ADGRF3: variants seen among roughly 807,000 people sequenced by gnomAD.
ADGRF3 encodes G protein-coupled receptor 113.
Under a neutral mutation model 93.2 loss-of-function variants are expected in ADGRF3, and 85 were observed. The ratio of observed to expected loss-of-function variants is 0.91; its 90% CI spans 0.77 to 1.09. ADGRF3 has a LOEUF of 1.09. Among genes scored for constraint, ADGRF3 ranks in the 50% least tolerant of loss-of-function variants. The pLI is 0.00. For missense variants in ADGRF3, 1,125 were observed against 1,246.2 expected, an observed-to-expected ratio of 0.90 and a Z score of 1.46; for synonymous variants, 534 against 532.5, an observed-to-expected ratio of 1.00 and a Z score of -0.04.
At chr2:26,344,616 C>T (rs546406357) in intron 1 of ADGRF3, among the ~76,000 whole-genome samples, 2 of 152,188 alleles carry the variant, frequency 1.3e-5, no homozygotes, top group Admixed American at 1.3e-4. Context: ...CCCTCGAGGG[C>T]AAGTGTGATA....
Position 26,342,096 on chromosome 2 carries a change from AT to A in ADGRF3, c.114+4024del, listed in dbSNP as rs1366525260. ...TCAAAAAAAAAACAACTGACTTGTG[AT>A]TTTTTTTTTTTAATATCTTACCATC... On this transcript the variant is annotated intron_variant, in intron 1 of 13. Transcript: ENST00000651242. 6.7e-3 allele frequency among the ~76,000 whole-genome samples: 979 copies of A among 145,502 alleles called. 11 individuals are homozygous for A. The highest frequency in any genetic ancestry group is 0.022 in the African/African-American group (873 of 40,062).
chr2:26,331,661 T>C (rs1024127884), intron 1 of ADGRF3, among the ~76,000 whole-genome samples: 2 of 152,176 alleles, frequency 1.3e-5, no homozygotes, highest in African/African-American at 4.8e-5. Flanking sequence ...GCCCAAGAGT[T>C]TGAGGCTGCG....
chr2:26,328,587 G>A lies in ADGRF3; in HGVS notation c.115-11025C>T, dbSNP rs1419593030. Among the ~76,000 whole-genome samples, 9 of 151,486 alleles carry A rather than the reference G, an allele frequency of 5.9e-5. No individual in the cohort carries two copies. In the East Asian group the frequency reaches 1.7e-3, roughly 29 times the overall value. ...TCCTGCCTCAGCCTCCTGAGTAGCT[G>A]GGACCACAGGTGCATGCCCACACCC... On this transcript the variant is annotated intron_variant, in intron 1 of 13. Transcript: ENST00000651242.
At chr2:26,314,857 A>G in intron 5 of ADGRF3, 1 of 559,244 alleles carries the variant, frequency 1.8e-6, no homozygotes, top group Non-Finnish European at 3.2e-6. Context: ...CGTGAATTTC[A>G]TGCTCTCCCT....
intron 5 of ADGRF3, 78 bp downstream of exon 5, chr2:26,315,444 G>A (rs1674562546): frequency 1.4e-6 from 2 of 1,440,524 alleles, no homozygotes; most frequent in Non-Finnish European, 9.4e-7. Flanking sequence ...AGAGGTGAAG[G>A]AAAGCAGAGA....
In ADGRF3 at chr2:26,313,366, G is replaced by T. The variant is rs776778526; in HGVS notation, c.1269+11C>A. The T allele has an allele frequency of 6.4e-7, 1 of 1,568,520 alleles. No homozygotes were observed. The highest frequency in any genetic ancestry group is 8.6e-7 in the Non-Finnish European group (1 of 1,157,472). Reference sequence around the variant, plus strand: ...GGAGGGGGCACGTGGGCAGCAGGGTGGAAGCTTCACCTTGGTTCTAGTGAA... The same window carrying T: ...GGAGGGGGCACGTGGGCAGCAGGGTTGAAGCTTCACCTTGGTTCTAGTGAA... On this transcript the variant is annotated intron_variant, in intron 8 of 13. Transcript: ENST00000651242.
rs990715193 is a variant in ADGRF3, at chr2:26,346,205, C to G, written c.30G>C (p.Ser10=). The change falls in exon 1 of 14, where the codon TCG becomes TCC. Residue 10 remains serine (S), a synonymous_variant. Transcript: ENST00000651242. MTTRKLSAH[S]AATPGYKAVT... is the part of the protein sequence containing the mutation. The stretch of plus-strand genomic sequence containing the variant: ...CAGCCTTGTAGCCGGGAGTCGCTGC[C>G]GAGTGGGCGCTCAGTTTTCGGGTCG... The G allele has an allele frequency of 6.2e-7, 1 of 1,613,404 alleles. No homozygotes were observed. The highest frequency in any genetic ancestry group is 1.7e-5 in the Admixed American group (1 of 59,978).
chr2:26,342,163 A>G (rs770399580), intron 1 of ADGRF3, among the ~76,000 whole-genome samples: 4 of 151,860 alleles, frequency 2.6e-5, no homozygotes, highest in Non-Finnish European at 5.9e-5. Context: ...TATTCAACTA[A>G]AAGTCTGATG....
At chr2:26,314,859 G>A in intron 5 of ADGRF3, 1 of 558,982 alleles carries the variant, frequency 1.8e-6, no homozygotes. Flanking sequence ...TGAATTTCAT[G>A]CTCTCCCTAG....
chr2:26,308,967 T>C lies in ADGRF3; in HGVS notation c.*119A>G. On this transcript the variant is annotated 3_prime_UTR_variant, in exon 14 of 14. Coordinates refer to ENST00000651242, the MANE Select transcript of ADGRF3 (RefSeq NM_001321971.2). ...TCACTAAGGGAAATATAAGCCTGCC[T>C]TTCTCAAGGGCTGAGCTCCGGGAGG... 7.3e-7 allele frequency: 1 copy of C among 1,378,374 alleles called. No individual in the cohort carries two copies. The highest frequency in any genetic ancestry group is 1.0e-6 in the Non-Finnish European group (1 of 972,694). 85.4% of individuals were successfully genotyped at this position (1,378,374 alleles called of 1,614,324 possible). A position where few individuals can be genotyped will look rare whatever the true frequency, so the allele number is the denominator to read the frequency against.
rs1238408575 is a variant in ADGRF3, at chr2:26,311,596, C to T, written c.1928G>A (p.Gly643Asp). 5 of 1,613,864 alleles carry T rather than the reference C, an allele frequency of 3.1e-6. No individual in the cohort carries two copies. The South Asian group carries it at 4.4e-5, about 14-fold the overall frequency. Residue 643 changes from glycine to aspartate, a missense_variant, in exon 10 of 14, where the codon GGT becomes GAT. By Grantham distance (94) the Gly-to-Asp change is moderately conservative. Coordinates refer to ENST00000651242, the MANE Select transcript of ADGRF3 (RefSeq NM_001321971.2). ...ATCCCAGAAGACACAGTGAGGGGAA[C>T]CATCTGTGTTCCCAAAGTCCATGAT... Reference protein sequence around the residue: ...EVIMDFGNTDGSPHCVFWDHS... With the variant: ...EVIMDFGNTDDSPHCVFWDHS...
intron 1 of ADGRF3, among the ~76,000 whole-genome samples, chr2:26,324,782 A>T (rs1275835252): frequency 6.6e-6 from 1 of 152,232 alleles, no homozygotes; most frequent in Admixed American, 6.5e-5. Flanking sequence ...TGCAATGAAC[A>T]TCCACATGCA....
chr2:26,327,888 G>A (rs757322121), intron 1 of ADGRF3, among the ~76,000 whole-genome samples: 10 of 151,716 alleles, frequency 6.6e-5, no homozygotes, highest in African/African-American at 2.4e-4. Flanking sequence ...AACACAAAAC[G>A]GACTCAGAGT....
At position 26,315,644 on chromosome 2, in the gene ADGRF3, C is replaced by A; in HGVS notation, c.596G>T (p.Trp199Leu). 1 of 1,551,608 alleles carries A rather than the reference C, an allele frequency of 6.4e-7. No homozygotes were observed. Residue 199 changes from tryptophan (W) to leucine (L), a missense_variant, in exon 5 of 14, where the codon TGG becomes TTG. By Grantham distance (61) the Trp-to-Leu change is moderately conservative. Coordinates refer to ENST00000651242, the MANE Select transcript of ADGRF3 (RefSeq NM_001321971.2). ...GGGGCTCCCTGGGTGCCTCAGGAAC[C>A]AGCTCAGGTTGGTGGCCTCCTGGCT... ...HLSQEATNLS[W>L]FLRHPGSPSP... is the part of the protein sequence containing the mutation.
chr2:26,329,033 C>CTGTGT (rs2147908622), intron 1 of ADGRF3, among the ~76,000 whole-genome samples: 2 of 152,306 alleles, frequency 1.3e-5, no homozygotes, highest in Non-Finnish European at 2.9e-5. Flanking sequence ...GATATTATCA[C>CTGTGT]GGATAATCTG....
intron 3 of ADGRF3, 48 bp from the exon 4 acceptor site, chr2:26,316,496 T>C: frequency 6.5e-7 from 1 of 1,531,070 alleles, no homozygotes; most frequent in Non-Finnish European, 8.8e-7. Context: ...CTGAAGAAGC[T>C]AGGTGGGCAG....
chr2:26,317,890 G>A, intron 1 of ADGRF3: 1 of 792,000 alleles, frequency 1.3e-6, no homozygotes, highest in Non-Finnish European at 2.2e-6. Flanking sequence ...AGCGGAGCTG[G>A]ACATTGCTGG....
intron 5 of ADGRF3, chr2:26,314,848 G>A (rs1316828475): frequency 7.1e-6 from 4 of 564,978 alleles, no homozygotes; most frequent in Non-Finnish European, 9.5e-6. Context: ...GCCCATGCCC[G>A]TGAATTTCAT....
chr2:26,311,654 C>T lies in ADGRF3; in HGVS notation c.1870G>A (p.Ala624Thr), dbSNP rs1175536790. 11 of 1,613,266 alleles carry T rather than the reference C, an allele frequency of 6.8e-6. No homozygotes were observed. Among genetic ancestry groups the T allele is most frequent in the Non-Finnish European group, 9.3e-6 (11 of 1,179,890 alleles). Residue 624 changes from alanine (A) to threonine (T), a missense_variant, in exon 10 of 14, where the codon GCA (alanine) becomes ACA (threonine). Physicochemically the swap from Ala to Thr is moderately conservative, Grantham distance 58. Coordinates refer to ENST00000651242, the MANE Select transcript of ADGRF3 (RefSeq NM_001321971.2). Reference protein sequence around the residue: ...PGLVLVISIMAGDRAFSQGEV... With the variant: ...PGLVLVISIMTGDRAFSQGEV... ...CCCTGGCTGAAGGCCCGGTCACCTG[C>T]CATGATGGAAATGACAAGGACCAGG...
Sources: gnomAD v4.1 joint callset for allele counts (sites outside exome capture counted in the v4.1 genomes callset) on GRCh38, gnomAD v4.1.1 for gene constraint, MANE v1.5 for transcripts, NCBI Gene and HGNC (gene_info 2026-07-23, HGNC 2026-07-21) for gene names.